IGSF21: variants seen among roughly 807,000 people sequenced by gnomAD.
IGSF21 encodes immunoglobin superfamily member 21.
A neutral mutation model predicts 46.8 loss-of-function variants in IGSF21; 28 were observed. The ratio of observed to expected loss-of-function variants is 0.60; its 90% CI spans 0.44 to 0.82. IGSF21 has a LOEUF of 0.82. IGSF21 is among the 40% of genes least tolerant of loss of function. IGSF21 has a pLI of 0.00. For synonymous variants in IGSF21, 284 were observed against 273.6 expected (o/e 1.04, Z -0.38); for missense variants, 624 against 665.5 (o/e 0.94, Z 0.69).
intron 1 of IGSF21, among the ~76,000 whole-genome samples, chr1:18,136,770 G>T (rs2086371357): frequency 6.6e-6 from 1 of 152,078 alleles, no homozygotes; most frequent in South Asian, 2.1e-4. Context: ...GAACTTTAAA[G>T]TAGTATTTTC....
chr1:18,332,418 T>G (rs1424804986), intron 3 of IGSF21, among the ~76,000 whole-genome samples: 1 of 152,088 alleles, frequency 6.6e-6, no homozygotes, highest in Non-Finnish European at 1.5e-5. Flanking sequence ...CACCTATGAG[T>G]GTCACCAAGT....
chr1:18,146,435 T>G (rs1237702871), intron 1 of IGSF21, among the ~76,000 whole-genome samples: 2 of 152,076 alleles, frequency 1.3e-5, no homozygotes, highest in Non-Finnish European at 2.9e-5. Context: ...GTCATTTCAC[T>G]CTCAGGAGAG....
At chr1:18,278,794 A>T (rs1396418951) in intron 2 of IGSF21, 4 of 459,256 alleles carry the variant, frequency 8.7e-6, no homozygotes, top group South Asian at 6.3e-5. Context: ...TCGCTCAAGC[A>T]ATCTGCCTGC....
intron 3 of IGSF21, among the ~76,000 whole-genome samples, chr1:18,309,456 G>A (rs1266663404): frequency 1.3e-5 from 2 of 152,164 alleles, no homozygotes; most frequent in East Asian, 3.9e-4. Context: ...GCAAGGGGCA[G>A]AGCCAGGATT....
chr1:18,226,907 G>A (rs1009097132), intron 1 of IGSF21, among the ~76,000 whole-genome samples: 3 of 152,238 alleles, frequency 2.0e-5, no homozygotes, highest in South Asian at 2.1e-4. Flanking sequence ...TCGGAACTGC[G>A]GTGAAGGTCC....
chr1:18,160,650 GGT>G lies in IGSF21; in HGVS notation c.70+52456_70+52457del, dbSNP rs528272464. Among the ~76,000 whole-genome samples the G allele has an allele frequency of 2.6e-5, 4 of 152,140 alleles. No individual in the cohort carries two copies. The South Asian group carries it at 8.3e-4, about 32-fold the overall frequency. ...CCGGGCACTCAGAGCGTGCTCATTC[GGT>G]GTGACGATGGCTGCTCCTGTCATAG... On this transcript the variant is annotated intron_variant, in intron 1 of 9. Transcript: ENST00000251296.
intron 1 of IGSF21, among the ~76,000 whole-genome samples, chr1:18,208,798 A>G (rs1019307464): frequency 6.6e-6 from 1 of 152,134 alleles, no homozygotes; most frequent in Non-Finnish European, 1.5e-5. Context: ...GTGGATTGCA[A>G]TATTTCACAC....
chr1:18,187,812 A>G (rs2086918375), intron 1 of IGSF21, among the ~76,000 whole-genome samples: 1 of 152,166 alleles, frequency 6.6e-6, no homozygotes, highest in Admixed American at 6.5e-5. Flanking sequence ...AGACATAAAC[A>G]TTGAGTACGT....
In IGSF21 at chr1:18,292,711, C is replaced by T. The variant is rs538764995; in HGVS notation, c.305+724C>T. ...TCTTCTCAAAGGGCCTTTCTCCCTTCGGTCATCTGGTAAACTCCTCATCAG... is the reference window on the plus strand; with the variant it reads ...TCTTCTCAAAGGGCCTTTCTCCCTTTGGTCATCTGGTAAACTCCTCATCAG... On this transcript the variant is annotated intron_variant, in intron 3 of 9. Coordinates refer to ENST00000251296, the MANE Select transcript of IGSF21 (RefSeq NM_032880.5). Among the ~76,000 whole-genome samples, 11 of 152,300 alleles carry T rather than the reference C, an allele frequency of 7.2e-5. No homozygotes were observed. The South Asian group carries it at 1.9e-3, about 26-fold the overall frequency.
At chr1:18,343,896 T>A (rs1391185576) in intron 4 of IGSF21, among the ~76,000 whole-genome samples, 3 of 152,158 alleles carry the variant, frequency 2.0e-5, no homozygotes, top group Admixed American at 6.5e-5. Context: ...GGCAATGAGT[T>A]TCACAGGAAG....
intron 1 of IGSF21, among the ~76,000 whole-genome samples, chr1:18,138,749 C>T (rs1298299260): frequency 6.6e-6 from 1 of 152,192 alleles, no homozygotes; most frequent in Non-Finnish European, 1.5e-5. Flanking sequence ...GTGCAAGATG[C>T]CAGCTTGGCA....
At chr1:18,124,719 G>A (rs1057287021) in intron 1 of IGSF21, among the ~76,000 whole-genome samples, 3 of 152,152 alleles carry the variant, frequency 2.0e-5, no homozygotes, top group Admixed American at 1.3e-4. Context: ...CTCTGGCCTC[G>A]TTATTATTAT....
chr1:18,217,245 C>T (rs2084458689), intron 1 of IGSF21, among the ~76,000 whole-genome samples: 1 of 152,212 alleles, frequency 6.6e-6, no homozygotes, highest in South Asian at 2.1e-4. Flanking sequence ...GGGCTGAGAA[C>T]CTGTCCCTGC....
At chr1:18,269,924 C>A (rs1328331377) in intron 2 of IGSF21, among the ~76,000 whole-genome samples, 2 of 152,190 alleles carry the variant, frequency 1.3e-5, no homozygotes, top group Admixed American at 1.3e-4. Context: ...AACCCAGAGA[C>A]TTTTCCAGTA....
Position 18,148,411 on chromosome 1 carries a change from C to T in IGSF21, c.70+40213C>T, listed in dbSNP as rs1211869476. On this transcript the variant is annotated intron_variant, in intron 1 of 9. Coordinates refer to ENST00000251296, the MANE Select transcript of IGSF21 (RefSeq NM_032880.5). ...CCTCCCAAAGTGCTGGGATTACTGG[C>T]GTGAGCCACCATGCCCGGCCTCAAG... 4.6e-5 allele frequency among the ~76,000 whole-genome samples: 7 copies of T among 152,266 alleles called. No homozygotes were observed. In the East Asian group the frequency reaches 1.4e-3, roughly 29 times the overall value.
intron 1 of IGSF21, among the ~76,000 whole-genome samples, chr1:18,175,075 G>A (rs1349644758): frequency 6.6e-6 from 1 of 152,166 alleles, no homozygotes; most frequent in Non-Finnish European, 1.5e-5. Context: ...CAGACTCCCA[G>A]CCTCTCCCCT....
chr1:18,341,002 C>T lies in IGSF21; in HGVS notation c.424+5992C>T, dbSNP rs945974232. 7.3e-3 allele frequency among the ~76,000 whole-genome samples: 857 copies of T among 117,184 alleles called. 21 individuals are homozygous for T. The highest frequency in any genetic ancestry group is 0.026 in the African/African-American group (763 of 29,552). 76.9% of individuals were successfully genotyped at this position (117,184 alleles called of 152,430 possible). A position where few individuals can be genotyped will look rare whatever the true frequency, so the allele number is the denominator to read the frequency against. On this transcript the variant is annotated intron_variant, in intron 4 of 9. Transcript: ENST00000251296. ...TTCTTCTCCTTCTTCTTCTCCTCCT[C>T]CTCCTTCTTCTCTTCTTCTTCTTCT...
At chr1:18,158,133 G>A (rs866755541) in intron 1 of IGSF21, among the ~76,000 whole-genome samples, 1 of 152,134 alleles carries the variant, frequency 6.6e-6, no homozygotes, top group Non-Finnish European at 1.5e-5. Context: ...CCTGAGGGCA[G>A]GGACTGAGTC....
At chr1:18,296,574 C>A (rs1043426600) in intron 3 of IGSF21, among the ~76,000 whole-genome samples, 1 of 152,176 alleles carries the variant, frequency 6.6e-6, no homozygotes, top group African/African-American at 2.4e-5. Context: ...GAACCTCTCA[C>A]GTGAAGGTCT....
Sources: gnomAD v4.1 joint callset for allele counts (sites outside exome capture counted in the v4.1 genomes callset) on GRCh38, gnomAD v4.1.1 for gene constraint, MANE v1.5 for transcripts, NCBI Gene and HGNC (gene_info 2026-07-23, HGNC 2026-07-21) for gene names.